MEI4: variants seen among roughly 807,000 people sequenced by gnomAD.
The protein encoded by MEI4 is meiotic double-stranded break formation protein 4.
A neutral mutation model predicts 31.4 loss-of-function variants in MEI4; 27 were observed. That is an observed-to-expected ratio of 0.86 (90% CI 0.63 to 1.19). The LOEUF (loss-of-function observed/expected upper bound fraction) is 1.19. Ranked by LOEUF, MEI4 falls within the 50% of genes most tolerant of loss-of-function variation. The probability of loss-of-function intolerance (pLI) is 0.00; values close to 1 mark genes in which losing one functional copy is unlikely to be tolerated. For missense variants in MEI4, 329 were observed against 398.9 expected (o/e 0.82, Z 1.49); for synonymous variants, 122 against 145.4 (o/e 0.84, Z 1.16).
intron 4 of MEI4, among the ~76,000 whole-genome samples, chr6:77,918,979 G>A (rs1251642904): frequency 6.6e-6 from 1 of 151,862 alleles, no homozygotes; most frequent in African/African-American, 2.4e-5. Flanking sequence ...TTAGCATGAA[G>A]GGTTGTTGAA....
intron 4 of MEI4, among the ~76,000 whole-genome samples, chr6:77,833,688 A>G (rs1770136274): frequency 6.6e-6 from 1 of 151,950 alleles, no homozygotes; most frequent in Non-Finnish European, 1.5e-5. Context: ...TTACATAGGT[A>G]TACATGCGCC....
intron 3 of MEI4, among the ~76,000 whole-genome samples, chr6:77,790,790 G>A (rs927517476): frequency 4.6e-5 from 7 of 151,832 alleles, no homozygotes; most frequent in African/African-American, 1.7e-4. Context: ...ATAGAACATG[G>A]CGTTTTGAAA....
intron 1 of MEI4, among the ~76,000 whole-genome samples, chr6:77,662,415 G>A (rs910889748): frequency 5.3e-5 from 8 of 152,162 alleles, no homozygotes; most frequent in African/African-American, 1.9e-4. Flanking sequence ...GTGGTATCCG[G>A]AATAATGTGG....
rs1043519110 is a variant in MEI4, at chr6:77,814,959, A to G, written c.769-13972A>G. Among the ~76,000 whole-genome samples, 4 of 152,120 alleles carry G rather than the reference A, an allele frequency of 2.6e-5. No individual in the cohort carries two copies. The South Asian group carries it at 8.3e-4, about 31-fold the overall frequency. On this transcript the variant is annotated intron_variant, in intron 3 of 4. Coordinates refer to ENST00000684080, the MANE Select transcript of MEI4 (RefSeq NM_001322247.2). ...CAGATACTTTTTGGTTTACGTACAT[A>G]TATCATATGGATTGTGTTCTGTGCC...
Position 77,828,939 on chromosome 6 carries a change from G to A in MEI4, c.777G>A (p.Val259=), listed in dbSNP as rs538131696. 348 of 1,232,260 alleles carry A rather than the reference G, an allele frequency of 2.8e-4. 3 individuals are homozygous for A. The South Asian group carries it at 9.5e-3, about 34-fold the overall frequency. The allele number at this position is 1,232,260 out of a possible 1,614,324, so 76.3% of individuals were successfully genotyped here. A position where few individuals can be genotyped will look rare whatever the true frequency, so the allele number is the denominator to read the frequency against. The change falls in exon 4 of 5, where the codon GTG becomes GTA. Residue 259 remains valine, a synonymous_variant. Coordinates refer to ENST00000684080, the MANE Select transcript of MEI4 (RefSeq NM_001322247.2). ...CTCATTTTTATCTTTAGTTTCAGGT[G>A]CAGCATTATGTCTCTCAGAGTCTGG... The part of the protein sequence containing the change: ...LGNNHINQFQ[V]QHYVSQSLVT...
intron 1 of MEI4, among the ~76,000 whole-genome samples, chr6:77,686,875 C>CTTTTTTTTT (rs70974681): frequency 5.3e-5 from 7 of 132,526 alleles, no homozygotes; most frequent in Admixed American, 1.6e-4. Flanking sequence ...GTCTGTGGCT[C>CTTTTTTTTT]TTTTTTTTTG....
chr6:77,901,167 C>T (rs892878048), intron 4 of MEI4, among the ~76,000 whole-genome samples: 5 of 151,930 alleles, frequency 3.3e-5, no homozygotes, highest in African/African-American at 1.2e-4. Flanking sequence ...AATAATGCTG[C>T]AATGAATGTA....
intron 4 of MEI4, among the ~76,000 whole-genome samples, chr6:77,840,479 G>A (rs943847438): frequency 2.0e-5 from 3 of 152,156 alleles, no homozygotes; most frequent in East Asian, 1.9e-4. Flanking sequence ...TGGAGAAAAC[G>A]ATAAATGTAT....
chr6:77,789,690 C>G (rs1768859463), intron 3 of MEI4, among the ~76,000 whole-genome samples: 1 of 152,170 alleles, frequency 6.6e-6, no homozygotes. Flanking sequence ...AAATGTAAAT[C>G]AAAACCACAA....
At position 77,663,085 on chromosome 6, in the gene MEI4, G is replaced by A. The variant is rs568438601; in HGVS notation, c.-15+9993G>A. ...GTTATAGAGGCAGGTATTGAGGATA[G>A]GAGAGTATATGGGTTTGGCACCATG... On this transcript the variant is annotated intron_variant, in intron 1 of 4. Coordinates refer to ENST00000684080, the MANE Select transcript of MEI4 (RefSeq NM_001322247.2). Among the ~76,000 whole-genome samples, 173 of 152,352 alleles carry A rather than the reference G, an allele frequency of 1.1e-3. 1 individual carries two copies. The South Asian group carries it at 0.023, about 20-fold the overall frequency.
chr6:77,693,828 T>C (rs555404611), intron 2 of MEI4, among the ~76,000 whole-genome samples: 1 of 152,214 alleles, frequency 6.6e-6, no homozygotes, highest in Non-Finnish European at 1.5e-5. Flanking sequence ...CAAAACTATA[T>C]TAAAGTGTAT....
At position 77,905,475 on chromosome 6, in the gene MEI4, C is replaced by CTTTTTTTT. The variant is rs70974691; in HGVS notation, c.901-17582_901-17575dup. On this transcript the variant is annotated intron_variant, in intron 4 of 4. Coordinates refer to ENST00000684080, the MANE Select transcript of MEI4 (RefSeq NM_001322247.2). ...TTCTATAGATTGTATAAATTTTCAG[C>CTTTTTTTT]TTTTTTTTTTTTTTTTTTTTTTTTT... Among the ~76,000 whole-genome samples the CTTTTTTTT allele has an allele frequency of 1.7e-4, 16 of 93,348 alleles. 3 individuals are homozygous for CTTTTTTTT. The highest frequency in any genetic ancestry group is 4.5e-4 in the South Asian group (1 of 2,210). The allele number at this position is 93,348 out of a possible 152,430, so 61.2% of individuals were successfully genotyped here.
chr6:77,771,402 G>A (rs1022162495), intron 3 of MEI4, among the ~76,000 whole-genome samples: 1 of 150,880 alleles, frequency 6.6e-6, no homozygotes, highest in African/African-American at 2.4e-5. Context: ...GAACTAAAAA[G>A]GAATTACTAT....
intron 1 of MEI4, among the ~76,000 whole-genome samples, chr6:77,656,294 C>G (rs1768393423): frequency 6.6e-6 from 1 of 151,890 alleles, no homozygotes; most frequent in Non-Finnish European, 1.5e-5. Context: ...TTGCTTGCTT[C>G]TTTTCTTATG....
intron 3 of MEI4, among the ~76,000 whole-genome samples, chr6:77,797,766 T>C (rs1769120335): frequency 6.6e-6 from 1 of 152,160 alleles, no homozygotes; most frequent in African/African-American, 2.4e-5. Context: ...CTAGCCACAC[T>C]GGTAGCTGAC....
chr6:77,810,249 A>C (rs1266344764), intron 3 of MEI4, among the ~76,000 whole-genome samples: 5 of 152,176 alleles, frequency 3.3e-5, no homozygotes, highest in South Asian at 4.1e-4. Context: ...TCTGGTGCCA[A>C]GTAGGAAAAA....
At chr6:77,807,038 G>A (rs2127703361) in intron 3 of MEI4, among the ~76,000 whole-genome samples, 1 of 152,088 alleles carries the variant, frequency 6.6e-6, no homozygotes, top group South Asian at 2.1e-4. Context: ...GTTTTCCCTG[G>A]AAAATGGTCT....
At chr6:77,758,155 C>CAAAAAAAAAAAA (rs58249702) in intron 2 of MEI4, among the ~76,000 whole-genome samples, 1 of 115,846 alleles carries the variant, frequency 8.6e-6, no homozygotes, top group Non-Finnish European at 1.8e-5. Flanking sequence ...CTCCATCTCA[C>CAAAAAAAAAAAA]AAAAAAAAAA....
intron 4 of MEI4, among the ~76,000 whole-genome samples, chr6:77,855,538 A>G (rs1320748060): frequency 6.6e-6 from 1 of 152,202 alleles, no homozygotes; most frequent in Non-Finnish European, 1.5e-5. Flanking sequence ...GACAAAGTAA[A>G]AAGATTTCCA....
Sources: allele counts gnomAD v4.1 joint callset (sites outside exome capture counted in the v4.1 genomes callset), GRCh38; gene constraint gnomAD v4.1.1; transcripts MANE v1.5; gene names NCBI Gene and HGNC (gene_info 2026-07-23, HGNC 2026-07-21).